The following RFX3 variants were observed in gnomAD, a reference collection of about 807,000 sequenced individuals.
RFX3 encodes transcription factor RFX3.
RFX3 carries 14 observed loss-of-function variants against 98.6 expected under a neutral mutation model. That is an observed-to-expected ratio of 0.14 (90% CI 0.09 to 0.22). RFX3 has a LOEUF of 0.22. Ranked by LOEUF, RFX3 falls within the 10% of genes least tolerant of loss-of-function variation. The probability of loss-of-function intolerance (pLI) is 1.00; values close to 1 mark genes in which losing one functional copy is unlikely to be tolerated. For missense variants in RFX3, 639 were observed against 926.9 expected, an observed-to-expected ratio of 0.69 and a Z score of 4.03; for synonymous variants, 383 against 328.4, an observed-to-expected ratio of 1.17 and a Z score of -1.80.
At chr9:3,477,248 T>TACA (rs1849351172) in intron 1 of RFX3, among the ~76,000 whole-genome samples, 1 of 152,226 alleles carries the variant, frequency 6.6e-6, no homozygotes, top group Admixed American at 6.5e-5. Flanking sequence ...AATCTATTTG[T>TACA]ACATGTCTTT....
At chr9:3,494,314 A>C (rs552663373) in intron 1 of RFX3, among the ~76,000 whole-genome samples, 15 of 152,270 alleles carry the variant, frequency 9.9e-5, no homozygotes, top group African/African-American at 2.9e-4. Flanking sequence ...ACCCCTTCAG[A>C]TCTTAAATTT....
At chr9:3,303,598 T>A (rs984396137) in intron 4 of RFX3, among the ~76,000 whole-genome samples, 3 of 151,854 alleles carry the variant, frequency 2.0e-5, no homozygotes, top group Admixed American at 1.3e-4. Flanking sequence ...TGCTCTCAGT[T>A]TGTTAATAAG....
intron 1 of RFX3, among the ~76,000 whole-genome samples, chr9:3,504,668 T>TTGTATATAAAATATATATTATA (rs1421847215): frequency 1.4e-5 from 2 of 138,684 alleles, no homozygotes; most frequent in African/African-American, 5.3e-5. Context: ...ATGGTATATA[T>TTGTATATAAAATATATATTATA]TGCATATAAA....
intron 1 of RFX3, among the ~76,000 whole-genome samples, chr9:3,509,342 T>A (rs1007208138): frequency 2.6e-5 from 4 of 151,974 alleles, no homozygotes; most frequent in African/African-American, 9.7e-5. Flanking sequence ...TTAAAATTCA[T>A]AATTAAATGA....
At chr9:3,448,699 TTG>T (rs1207922564) in intron 1 of RFX3, among the ~76,000 whole-genome samples, 1 of 152,166 alleles carries the variant, frequency 6.6e-6, no homozygotes. Flanking sequence ...TTCAAATTTT[TTG>T]TAAGGAAGGA....
At chr9:3,372,850 T>C (rs1270254757) in intron 2 of RFX3, among the ~76,000 whole-genome samples, 6 of 152,144 alleles carry the variant, frequency 3.9e-5, no homozygotes, top group African/African-American at 1.4e-4. Context: ...CATCCCAAAG[T>C]GCTGGGATTA....
At chr9:3,415,274 G>C (rs1258539413) in intron 1 of RFX3, among the ~76,000 whole-genome samples, 3 of 149,090 alleles carry the variant, frequency 2.0e-5, no homozygotes, top group African/African-American at 7.4e-5. Flanking sequence ...GGGTGCAGTG[G>C]TGCAATCATG....
chr9:3,485,235 G>A (rs1181746963), intron 1 of RFX3, among the ~76,000 whole-genome samples: 1 of 152,032 alleles, frequency 6.6e-6, no homozygotes, highest in East Asian at 1.9e-4. Flanking sequence ...CTGTTCTATT[G>A]GTTTTTCCTA....
intron 14 of RFX3, among the ~76,000 whole-genome samples, chr9:3,250,067 T>C (rs1182644043): frequency 6.6e-6 from 1 of 151,970 alleles, no homozygotes; most frequent in Non-Finnish European, 1.5e-5. Flanking sequence ...GTAAAAATAA[T>C]TTATAAGATT....
intron 4 of RFX3, among the ~76,000 whole-genome samples, chr9:3,325,987 T>A (rs1831868247): frequency 6.6e-6 from 1 of 152,152 alleles, no homozygotes; most frequent in Non-Finnish European, 1.5e-5. Flanking sequence ...GCTACTGAAA[T>A]ATTAACAATA....
chr9:3,471,998 T>C (rs1319609766), intron 1 of RFX3, among the ~76,000 whole-genome samples: 2 of 152,244 alleles, frequency 1.3e-5, no homozygotes, highest in African/African-American at 4.8e-5. Context: ...TGGCTGGCCA[T>C]GTGGCCTGAT....
At chr9:3,240,325 T>C (rs980743394) in intron 15 of RFX3, among the ~76,000 whole-genome samples, 2 of 152,254 alleles carry the variant, frequency 1.3e-5, no homozygotes, top group Non-Finnish European at 2.9e-5. Context: ...ATATCCTTTA[T>C]GCAAGTAAAA....
At chr9:3,324,970 A>C (rs1314189063) in intron 4 of RFX3, among the ~76,000 whole-genome samples, 2 of 152,132 alleles carry the variant, frequency 1.3e-5, no homozygotes, top group African/African-American at 2.4e-5. Flanking sequence ...TCTCAAAAAA[A>C]ATCAAAAATC....
At chr9:3,364,512 C>T (rs1836821466) in intron 2 of RFX3, 1 of 184,682 alleles carries the variant, frequency 5.4e-6, no homozygotes, top group Non-Finnish European at 1.1e-5. Context: ...GAATTAAATC[C>T]TCCAGGCAGA....
chr9:3,293,845 T>C (rs553902188), intron 5 of RFX3, among the ~76,000 whole-genome samples: 1 of 152,218 alleles, frequency 6.6e-6, no homozygotes, highest in African/African-American at 2.4e-5. Context: ...CTTCCCCAAA[T>C]GAAAATAAAC....
chr9:3,389,433 T>G (rs1587464391), intron 2 of RFX3, among the ~76,000 whole-genome samples: 1 of 152,152 alleles, frequency 6.6e-6, no homozygotes, highest in South Asian at 2.1e-4. Context: ...TTTGAGTTTC[T>G]AATCAAGATA....
intron 8 of RFX3, among the ~76,000 whole-genome samples, chr9:3,276,266 C>T (rs1825205507): frequency 6.6e-6 from 1 of 152,010 alleles, no homozygotes; most frequent in South Asian, 2.1e-4. Flanking sequence ...GTGAAACTTT[C>T]CTTCACACAG....
intron 2 of RFX3, among the ~76,000 whole-genome samples, chr9:3,391,969 C>T (rs1429347028): frequency 1.3e-5 from 2 of 152,110 alleles, no homozygotes; most frequent in Non-Finnish European, 1.5e-5. Flanking sequence ...GCAATAAATA[C>T]CCAACTCTTT....
chr9:3,426,130 G>GT (rs1843998407), intron 1 of RFX3, among the ~76,000 whole-genome samples: 2 of 151,922 alleles, frequency 1.3e-5, no homozygotes, highest in Admixed American at 6.6e-5. Context: ...CAACGTTTCT[G>GT]TTTTTACTTT....
Sources: gnomAD v4.1 joint callset for allele counts (sites outside exome capture counted in the v4.1 genomes callset) on GRCh38, gnomAD v4.1.1 for gene constraint, MANE v1.5 for transcripts, NCBI Gene and HGNC (gene_info 2026-07-23, HGNC 2026-07-21) for gene names.